CLN6: variants seen among roughly 807,000 people sequenced by gnomAD.
CLN6 encodes CLN6 transmembrane ER protein, also known as ceroid-lipofuscinosis neuronal protein 6.
A neutral mutation model predicts 33.3 loss-of-function variants in CLN6; 22 were observed. The ratio of observed to expected loss-of-function variants is 0.66; its 90% CI spans 0.47 to 0.94. CLN6 has a LOEUF of 0.94. Ranked by LOEUF, CLN6 falls within the 40% of genes least tolerant of loss-of-function variation. The probability of loss-of-function intolerance (pLI) is 0.00; values close to 1 mark genes in which losing one functional copy is unlikely to be tolerated. For synonymous variants in CLN6, 201 were observed against 174.6 expected (o/e 1.15, Z -1.19); for missense variants, 387 against 417.1 (o/e 0.93, Z 0.63).
Position 68,241,009 on chromosome 15 carries a change from A to C in CLN6, c.179+15681T>G, listed in dbSNP as rs575457484. ...CCAAAAAAAAAAAACAAAAAAAAAA[A>C]CACAGTAGCATTCACAAATAAGCAA... On this transcript the variant is annotated intron_variant, in intron 1 of 6. Coordinates refer to the CLN6 transcript ENST00000538696. The surrounding 1 kb of genome is among the most constrained non-coding windows in gnomAD (Gnocchi z 4.2). 5.3e-4 allele frequency among the ~76,000 whole-genome samples: 80 copies of C among 152,024 alleles called. No individual in the cohort carries two copies. Among genetic ancestry groups the C allele is most frequent in the African/African-American group, 1.9e-3 (77 of 41,488 alleles).
chr15:68,239,765 C>A (rs1162560993), intron 1 of CLN6, among the ~76,000 whole-genome samples: 1 of 152,132 alleles, frequency 6.6e-6, no homozygotes, highest in Non-Finnish European at 1.5e-5. Context: ...AATAAATTAC[C>A]TTGCATTCAA....
At chr15:68,243,118 T>C (rs1892293223) in intron 1 of CLN6, among the ~76,000 whole-genome samples, 2 of 152,242 alleles carry the variant, frequency 1.3e-5, no homozygotes, top group Non-Finnish European at 2.9e-5. Flanking sequence ...TTTTGTCTAG[T>C]TCAGAGGGTT....
rs2093205020 is a variant in CLN6, at chr15:68,211,508, T to C, written c.486+167A>G. On this transcript the variant is annotated intron_variant, in intron 4 of 6. Coordinates refer to ENST00000249806, the MANE Select transcript of CLN6 (RefSeq NM_017882.3). This position sits in a 1 kb window ranked among gnomAD's most constrained non-coding sequence, Gnocchi z 5.9. ...GGGAGGCAGTCTGTGCACCACTTCC[T>C]AAGAACACTTGAGCATCCTAGCTTG... 6.3e-7 allele frequency: 1 copy of C among 1,583,720 alleles called. No homozygotes were observed. The highest frequency in any genetic ancestry group is 8.6e-7 in the Non-Finnish European group (1 of 1,169,222).
chr15:68,233,217 A>G (rs1429102949), upstream of CLN6, among the ~76,000 whole-genome samples: 2 of 149,136 alleles, frequency 1.3e-5, no homozygotes, highest in Non-Finnish European at 3.0e-5. This position sits in a 1 kb window ranked among gnomAD's most constrained non-coding sequence, Gnocchi z 4.3. Flanking sequence ...CAGTGTTAGC[A>G]TACATGCTGC....
chr15:68,213,932 C>T (rs2093213186), intron 3 of CLN6: 1 of 299,844 alleles, frequency 3.3e-6, no homozygotes, highest in Non-Finnish European at 6.6e-6. Context: ...TCCTTGACCT[C>T]TCCCTGGACC....
chr15:68,223,759 AG>A (rs1285624607), intron 1 of CLN6, among the ~76,000 whole-genome samples: 2 of 150,380 alleles, frequency 1.3e-5, no homozygotes, highest in East Asian at 3.9e-4. Flanking sequence ...AAAAAAAAAG[AG>A]GGGGGCTGGG....
At chr15:68,213,083 C>A (rs2093210708) in intron 3 of CLN6, 1 of 151,612 alleles carries the variant, frequency 6.6e-6, no homozygotes, top group Admixed American at 6.6e-5. Context: ...CCGCACCTGG[C>A]TAACTTTTTT....
In CLN6 at chr15:68,210,952, C is replaced by T. The variant is rs1387550251; in HGVS notation, c.542+311G>A. Among the ~76,000 whole-genome samples the T allele has an allele frequency of 5.3e-5, 8 of 152,184 alleles. No homozygotes were observed. The East Asian group carries it at 9.7e-4, about 18-fold the overall frequency. ...CCCCACCCTCAGGGCTCAGGCTTGG[C>T]GAGGAAGGACCAAAGCCACTCGCTG... On this transcript the variant is annotated intron_variant, in intron 5 of 6. Coordinates refer to ENST00000249806, the MANE Select transcript of CLN6 (RefSeq NM_017882.3). This position sits in a 1 kb window ranked among gnomAD's most constrained non-coding sequence, Gnocchi z 5.6.
At chr15:68,214,627 G>C in intron 2 of CLN6, 1 of 500,142 alleles carries the variant, frequency 2.0e-6, no homozygotes, top group Non-Finnish European at 3.7e-6. Flanking sequence ...ACACAGAGCA[G>C]ATGCAATTCC....
In CLN6 at chr15:68,211,939, C is replaced by A; in HGVS notation, c.298-76G>T. ...GTGACACCCTCTGCTTCCCCCCTCA[C>A]ACCTGGGGTGGGATGGACGCTTCCA... On this transcript the variant is annotated intron_variant, in intron 3 of 6. Transcript: ENST00000249806. The surrounding 1 kb of genome is among the most constrained non-coding windows in gnomAD (Gnocchi z 5.9). 6.9e-7 allele frequency: 1 copy of A among 1,452,048 alleles called. No homozygotes were observed. The highest frequency in any genetic ancestry group is 9.6e-7 in the Non-Finnish European group (1 of 1,046,624). The allele number at this position is 1,452,048 out of a possible 1,614,324, so 89.9% of individuals were successfully genotyped here.
At chr15:68,230,888 G>T (rs1048532622), upstream of CLN6, among the ~76,000 whole-genome samples, 2 of 152,006 alleles carry the variant, frequency 1.3e-5, no homozygotes, top group African/African-American at 2.4e-5. This position sits in a 1 kb window ranked among gnomAD's most constrained non-coding sequence, Gnocchi z 4.0. Flanking sequence ...CACCACCCCC[G>T]TGCTACACCA....
chr15:68,224,709 A>G (rs1224978688), intron 1 of CLN6, among the ~76,000 whole-genome samples: 1 of 151,788 alleles, frequency 6.6e-6, no homozygotes, highest in Non-Finnish European at 1.5e-5. Context: ...ATGGAATGGT[A>G]AAGGCATCCT....
intron 1 of CLN6, 33 bp from the exon 2 acceptor site, chr15:68,218,683 TTC>T (rs1389519458): frequency 1.3e-6 from 2 of 1,511,864 alleles, no homozygotes; most frequent in Non-Finnish European, 1.8e-6. Context: ...AAGTCAGCTC[TTC>T]TCTCCTCCTC....
chr15:68,252,076 C>T (rs919133175), intron 1 of CLN6, among the ~76,000 whole-genome samples: 14 of 149,192 alleles, frequency 9.4e-5, no homozygotes, highest in Admixed American at 8.2e-4. Context: ...CGGGTTCAAG[C>T]GATTCTCCTG....
chr15:68,238,166 G>A (rs940663151), intron 1 of CLN6, among the ~76,000 whole-genome samples: 5 of 151,836 alleles, frequency 3.3e-5, no homozygotes, highest in Non-Finnish European at 5.9e-5. Context: ...AGCACTTTGG[G>A]AGGCCAAGGC....
rs1480207178 is a variant in CLN6 at position 68,242,388 on chromosome 15, A to G, written c.179+14302T>C. Among the ~76,000 whole-genome samples the G allele has an allele frequency of 3.9e-5, 6 of 152,118 alleles. No individual in the cohort carries two copies. In the East Asian group the frequency reaches 1.2e-3, roughly 29 times the overall value. On this transcript the variant is annotated intron_variant, in intron 1 of 6. Transcript: ENST00000538696. The surrounding 1 kb of genome is among the most constrained non-coding windows in gnomAD (Gnocchi z 5.0). ...TGAAATTACATAGAGGAGAAAAAAG[A>G]AAAAAAGAATACAAAGGAATGAAGA... is the stretch of plus-strand genomic sequence containing the variant.
chr15:68,217,880 C>G (rs1253005299), intron 2 of CLN6, among the ~76,000 whole-genome samples: 1 of 68,232 alleles, frequency 1.5e-5, no homozygotes, highest in African/African-American at 5.4e-5. Context: ...TATCTACCTA[C>G]CTACCTACCT....
intron 1 of CLN6, among the ~76,000 whole-genome samples, chr15:68,226,543 C>T (rs536480704): frequency 6.6e-5 from 10 of 151,970 alleles, no homozygotes; most frequent in South Asian, 2.1e-4. Flanking sequence ...CTTGGCCCAC[C>T]GCAACCTCCG....
rs900336506 is a variant in CLN6, at chr15:68,236,220, C to T, written c.180-17570G>A. 4.6e-5 allele frequency among the ~76,000 whole-genome samples: 7 copies of T among 152,072 alleles called. No homozygotes were observed. In the East Asian group the frequency reaches 9.7e-4, roughly 21 times the overall value. ...CAGCAGGTCCTCAAACTGTTAAATACAGAGTTAGTACATGACCCAGCAACT... is the reference window on the plus strand; with the variant it reads ...CAGCAGGTCCTCAAACTGTTAAATATAGAGTTAGTACATGACCCAGCAACT... On this transcript the variant is annotated intron_variant, in intron 1 of 6. Coordinates refer to the CLN6 transcript ENST00000538696. This position sits in a 1 kb window ranked among gnomAD's most constrained non-coding sequence, Gnocchi z 4.5.
Sources: gnomAD v4.1 joint callset for allele counts (sites outside exome capture counted in the v4.1 genomes callset) on GRCh38, gnomAD v4.1.1 for gene constraint, Gnocchi (gnomAD v3.1) non-coding constraint, MANE v1.5 for transcripts, NCBI Gene and HGNC (gene_info 2026-07-23, HGNC 2026-07-21) for gene names.